Variants in VDAC1 observed in about 807,000 individuals in gnomAD.
VDAC1 encodes non-selective voltage-gated ion channel VDAC1.
Under a neutral mutation model 34.7 loss-of-function variants are expected in VDAC1, and 10 were observed. That is an observed-to-expected ratio of 0.29 (90% CI 0.18 to 0.49). The LOEUF (loss-of-function observed/expected upper bound fraction) is 0.49, where lower values mean the gene tolerates loss of function less well. Ranked by LOEUF, VDAC1 falls within the 20% of genes least tolerant of loss-of-function variation. The pLI is 0.99. For synonymous variants in VDAC1, 130 were observed against 136.0 expected (o/e 0.96, Z 0.30); for missense variants, 230 against 347.9 (o/e 0.66, Z 2.69).
chr5:134,079,184 G>A, the VDAC1 span, among the ~76,000 whole-genome samples: 1 of 151,886 alleles, frequency 6.6e-6, no homozygotes, highest in Non-Finnish European at 1.5e-5. Flanking sequence ...TCACTATGTT[G>A]CCCAGGCTGA....
At chr5:134,033,860 C>T in the VDAC1 span, among the ~76,000 whole-genome samples, 3,058 of 151,508 alleles carry the variant, frequency 0.02, 29 homozygotes, top group Non-Finnish European at 0.026. Flanking sequence ...GGAGTGGTGG[C>T]AGGCGCCTGT....
At chr5:134,106,952 T>C in the VDAC1 span, among the ~76,000 whole-genome samples, 23 of 152,196 alleles carry the variant, frequency 1.5e-4, no homozygotes, top group Non-Finnish European at 7.4e-5. Flanking sequence ...CTCTGGTCTC[T>C]GTCCTCCCTG....
the VDAC1 span, among the ~76,000 whole-genome samples, chr5:134,092,821 G>A: frequency 6.6e-6 from 1 of 152,188 alleles, no homozygotes; most frequent in African/African-American, 2.4e-5. Flanking sequence ...TTGACACACA[G>A]TTCAGTAAAT....
At chr5:133,986,809 G>A (rs1230054874) in intron 5 of VDAC1, among the ~76,000 whole-genome samples, 1 of 152,070 alleles carries the variant, frequency 6.6e-6, no homozygotes, top group Non-Finnish European at 1.5e-5. Context: ...TCTAAAACCA[G>A]AAATAAAGAC....
chr5:134,010,546 C>T, the VDAC1 span, among the ~76,000 whole-genome samples: 4 of 151,478 alleles, frequency 2.6e-5, no homozygotes, highest in African/African-American at 2.4e-5. Context: ...TGCAGTGAGC[C>T]GAGATCACAC....
At chr5:134,037,038 C>T in the VDAC1 span, among the ~76,000 whole-genome samples, 1 of 151,980 alleles carries the variant, frequency 6.6e-6, no homozygotes, top group Admixed American at 6.6e-5. Flanking sequence ...AGCAGTTCCT[C>T]AGGCTGATGA....
chr5:134,002,160 G>T (rs1026896896), intron 1 of VDAC1, among the ~76,000 whole-genome samples: 1 of 151,922 alleles, frequency 6.6e-6, no homozygotes, highest in Non-Finnish European at 1.5e-5. Context: ...CATCTTCCTG[G>T]TAAGGGTAGA....
At chr5:134,060,814 C>T in the VDAC1 span, among the ~76,000 whole-genome samples, 1 of 149,124 alleles carries the variant, frequency 6.7e-6, no homozygotes, top group African/African-American at 2.5e-5. Context: ...AAACATTCAA[C>T]AAATGAAAAC....
intron 1 of VDAC1, among the ~76,000 whole-genome samples, chr5:133,994,449 A>G (rs1753218553): frequency 6.6e-6 from 1 of 152,132 alleles, no homozygotes; most frequent in South Asian, 2.1e-4. Context: ...TCAGGCTGAA[A>G]CCATGGACAG....
the VDAC1 span, among the ~76,000 whole-genome samples, chr5:134,034,548 G>A: frequency 1.1e-4 from 17 of 152,318 alleles, no homozygotes; most frequent in African/African-American, 4.1e-4. Context: ...GGAAGAGGCC[G>A]GGATAGGGTT....
chr5:134,050,647 T>A, the VDAC1 span, among the ~76,000 whole-genome samples: 2 of 152,242 alleles, frequency 1.3e-5, no homozygotes, highest in African/African-American at 4.8e-5. Context: ...AATGTACTGG[T>A]TGACTTGAAG....
chr5:133,976,101 G>A, intron 6 of VDAC1, 80 bp from the exon 7 acceptor site: 1 of 1,565,426 alleles, frequency 6.4e-7, no homozygotes, highest in Non-Finnish European at 8.8e-7. Context: ...AAGTCTCCCA[G>A]AAGACAGGGA....
the VDAC1 span, among the ~76,000 whole-genome samples, chr5:134,067,685 G>C: frequency 6.7e-6 from 1 of 149,306 alleles, no homozygotes; most frequent in Non-Finnish European, 1.5e-5. Context: ...GGGAGGAGAG[G>C]GGGAGGGAGA....
the VDAC1 span, among the ~76,000 whole-genome samples, chr5:134,043,841 C>A: frequency 8.5e-5 from 13 of 152,132 alleles, no homozygotes; most frequent in African/African-American, 3.1e-4. Context: ...CCTAGGTAGA[C>A]TTTTATCCAG....
At chr5:134,084,741 T>G in the VDAC1 span, among the ~76,000 whole-genome samples, 2 of 152,254 alleles carry the variant, frequency 1.3e-5, no homozygotes, top group African/African-American at 2.4e-5. Flanking sequence ...GCTGAAAGCA[T>G]GTGAATGGGC....
intron 3 of VDAC1, among the ~76,000 whole-genome samples, chr5:133,991,834 TG>T (rs768958829): frequency 2.2e-3 from 330 of 152,246 alleles, no homozygotes; most frequent in Non-Finnish European, 3.6e-3. Context: ...TTCCATACAA[TG>T]GTCACTATTT....
At chr5:134,004,527 G>GCCGGGCTGCCGGGGCCCCTCGC in intron 1 of VDAC1, 1 of 152,746 alleles carries the variant, frequency 6.5e-6, no homozygotes, top group East Asian at 1.9e-4. Context: ...CCTCCCCGCG[G>GCCGGGCTGCCGGGGCCCCTCGC]CCGGGCTGCC....
the VDAC1 span, among the ~76,000 whole-genome samples, chr5:134,068,925 A>G: frequency 6.6e-6 from 1 of 151,704 alleles, no homozygotes; most frequent in African/African-American, 2.4e-5. Flanking sequence ...ACACTTATCT[A>G]AAGTGAATTT....
the VDAC1 span, among the ~76,000 whole-genome samples, chr5:134,086,659 T>C: frequency 2.0e-5 from 3 of 152,300 alleles, no homozygotes; most frequent in Admixed American, 1.3e-4. Context: ...TTCTTCTCCT[T>C]CTTTTTCTTC....
Sources: gnomAD v4.1 joint callset for allele counts (sites outside exome capture counted in the v4.1 genomes callset) on GRCh38, gnomAD v4.1.1 for gene constraint, MANE v1.5 for transcripts, NCBI Gene and HGNC (gene_info 2026-07-23, HGNC 2026-07-21) for gene names.